Variants in MNS1 observed in about 807,000 individuals in gnomAD.
MNS1 encodes meiosis specific nuclear structural 1.
Under a neutral mutation model 72.0 loss-of-function variants are expected in MNS1, and 63 were observed. The observed-to-expected ratio is 0.87, with a 90% CI of 0.71 to 1.08. MNS1 has a LOEUF of 1.08. Ranked by LOEUF, MNS1 falls within the 50% of genes least tolerant of loss-of-function variation. The pLI is 0.00. For missense variants in MNS1, 604 were observed against 562.4 expected, an observed-to-expected ratio of 1.07 and a Z score of -0.75; for synonymous variants, 188 against 172.1, an observed-to-expected ratio of 1.09 and a Z score of -0.72.
chr15:56,431,594 G>T (rs1333007791), intron 8 of MNS1, 96 bp from the exon 9 acceptor site: 5 of 1,234,698 alleles, frequency 4.0e-6, no homozygotes, highest in Non-Finnish European at 4.6e-6. Context: ...AGATAAAATT[G>T]ATGAACTATT....
At chr15:56,463,386 G>A (rs960614604) in intron 2 of MNS1, among the ~76,000 whole-genome samples, 1 of 152,102 alleles carries the variant, frequency 6.6e-6, no homozygotes, top group African/African-American at 2.4e-5. Context: ...TGCTTATTCT[G>A]TACCAGGCAC....
At chr15:56,451,118 T>C (rs1666630128) in intron 3 of MNS1, among the ~76,000 whole-genome samples, 1 of 152,234 alleles carries the variant, frequency 6.6e-6, no homozygotes, top group African/African-American at 2.4e-5. Flanking sequence ...ATATTTCAGA[T>C]ATTAAATCCT....
At position 56,443,725 on chromosome 15, in the gene MNS1, C is replaced by T. The variant is rs150446377; in HGVS notation, c.816G>A (p.Glu272=). The change falls in exon 6 of 10, where the codon GAG becomes GAA. Residue 272 remains glutamate, a synonymous_variant. Coordinates refer to ENST00000260453, the MANE Select transcript of MNS1 (RefSeq NM_018365.4). ...CTCTTTGCTGCTGCATGTTAGCAAA[C>T]TCTATGATTTTTCTGTTTTCTTCTT... is the stretch of plus-strand genomic sequence containing the variant. ...EMEEENRKII[E]FANMQQQREE... 6.7e-4 allele frequency: 1,073 copies of T among 1,613,224 alleles called. 3 individuals are homozygous for T. The highest frequency in any genetic ancestry group is 1.0e-3 in the Admixed American group (62 of 59,972).
chr15:56,451,286 G>A (rs527376003), intron 3 of MNS1, among the ~76,000 whole-genome samples: 1 of 152,298 alleles, frequency 6.6e-6, no homozygotes, highest in South Asian at 2.1e-4. Context: ...TCCTGAACCA[G>A]GGACCAGGGT....
At chr15:56,451,733 A>C (rs1233820406) in intron 3 of MNS1, among the ~76,000 whole-genome samples, 1 of 145,950 alleles carries the variant, frequency 6.9e-6, no homozygotes, top group African/African-American at 2.5e-5. Flanking sequence ...TCATGATGGG[A>C]TGCATCCCAA....
chr15:56,443,017 C>T (rs1178028520), intron 7 of MNS1, among the ~76,000 whole-genome samples: 2 of 152,164 alleles, frequency 1.3e-5, no homozygotes, highest in East Asian at 1.9e-4. Flanking sequence ...TAGGTTCACA[C>T]GCCTTTAGGA....
chr15:56,456,527 C>A lies in MNS1; in HGVS notation c.226-6G>T. The A allele has an allele frequency of 6.2e-7, 1 of 1,604,670 alleles. No homozygotes were observed. On this transcript the variant is annotated splice_region_variant and splice_polypyrimidine_tract_variant and intron_variant, in intron 2 of 9. Transcript: ENST00000260453. ...AATCTCTTGTTTTCTTCTGCCTGAA[C>A]GAAAAATTTAACTTCGTTGTTTGTC...
chr15:56,464,061 G>A lies in MNS1; in HGVS notation c.190C>T (p.Gln64Ter), dbSNP rs745665325. 2.5e-6 allele frequency: 4 copies of A among 1,613,202 alleles called. No homozygotes were observed. In the African/African-American group the frequency reaches 4.0e-5, roughly 16 times the overall value. The change falls in exon 2 of 10, where the codon CAA (glutamine) becomes TAA (stop). Residue 64 changes from glutamine to a stop codon, truncating the protein, a stop_gained. Transcript: ENST00000260453. LOFTEE classifies it high-confidence loss of function. ...KQFLRLLQNE[Q>*]FELDMEEAIQ... Reference sequence around the variant, plus strand: ...GCCTCTTCCATATCCAACTCAAATTGTTCATTTTGTAATAATCTGAGAAAT... The same window carrying A: ...GCCTCTTCCATATCCAACTCAAATTATTCATTTTGTAATAATCTGAGAAAT...
chr15:56,434,446 T>G, intron 7 of MNS1, 51 bp from the exon 8 acceptor site: 1 of 1,525,028 alleles, frequency 6.6e-7, no homozygotes, highest in Non-Finnish European at 8.9e-7. Context: ...TTACACCAGA[T>G]TTATAAGGAA....
At chr15:56,440,569 G>A (rs1474749396) in intron 7 of MNS1, among the ~76,000 whole-genome samples, 1 of 152,092 alleles carries the variant, frequency 6.6e-6, no homozygotes, top group Non-Finnish European at 1.5e-5. Context: ...CATTCCAAAT[G>A]CCCTTTAATG....
chr15:56,443,898 T>A lies in MNS1; in HGVS notation c.687-44A>T. The stretch of plus-strand genomic sequence containing the variant: ...TACAGATTTATAGTAAACAATAAAA[T>A]ATAAAAAAGTAATTTCATTTTGTTC... On this transcript the variant is annotated intron_variant, in intron 5 of 9. Coordinates refer to ENST00000260453, the MANE Select transcript of MNS1 (RefSeq NM_018365.4). 1 of 1,351,566 alleles carries A rather than the reference T, an allele frequency of 7.4e-7. No individual in the cohort carries two copies. The highest frequency in any genetic ancestry group is 1.0e-6 in the Non-Finnish European group (1 of 999,560). 83.7% of individuals were successfully genotyped at this position (1,351,566 alleles called of 1,614,324 possible). A position where few individuals can be genotyped will look rare whatever the true frequency, so the allele number is the denominator to read the frequency against.
chr15:56,463,887 T>C (rs1238839364), intron 2 of MNS1, 139 bp downstream of exon 2: 44 of 680,200 alleles, frequency 6.5e-5, no homozygotes, highest in Non-Finnish European at 1.1e-4. Context: ...TCTTTACGAT[T>C]ACACCGAGCT....
chr15:56,443,135 CTG>C (rs2050847670), intron 7 of MNS1, among the ~76,000 whole-genome samples: 1 of 152,132 alleles, frequency 6.6e-6, no homozygotes, highest in Admixed American at 6.5e-5. Flanking sequence ...TGACTAGTGT[CTG>C]TATGTTACGT....
intron 9 of MNS1, among the ~76,000 whole-genome samples, chr15:56,430,946 A>G (rs2050574066): frequency 6.6e-6 from 1 of 152,174 alleles, no homozygotes; most frequent in African/African-American, 2.4e-5. Flanking sequence ...GGATCACCTG[A>G]GGCCAAGAGT....
intron 2 of MNS1, 61 bp from the exon 3 acceptor site, chr15:56,456,582 T>C: frequency 6.4e-7 from 1 of 1,562,536 alleles, no homozygotes; most frequent in Non-Finnish European, 8.6e-7. Flanking sequence ...TCATCAAGGT[T>C]GAATTTGTTT....
At chr15:56,436,402 A>C (rs1221158214) in intron 7 of MNS1, among the ~76,000 whole-genome samples, 1 of 152,174 alleles carries the variant, frequency 6.6e-6, no homozygotes, top group Admixed American at 6.5e-5. Context: ...TGTTCTTTGA[A>C]ACCAATGAGA....
intron 2 of MNS1, among the ~76,000 whole-genome samples, chr15:56,457,996 A>G (rs201958965): frequency 1.3e-5 from 2 of 152,234 alleles, no homozygotes; most frequent in African/African-American, 2.4e-5. Context: ...TGAGTGGTCA[A>G]ATAAACTGTG....
At chr15:56,432,036 T>C (rs562929161) in intron 8 of MNS1, among the ~76,000 whole-genome samples, 49 of 152,308 alleles carry the variant, frequency 3.2e-4, no homozygotes, top group African/African-American at 1.1e-3. Flanking sequence ...GAAAGAACAG[T>C]AATCTACTAA....
intron 9 of MNS1, among the ~76,000 whole-genome samples, chr15:56,430,827 T>C (rs1294445394): frequency 1.3e-5 from 2 of 152,196 alleles, no homozygotes; most frequent in African/African-American, 4.8e-5. Flanking sequence ...ACAGTTGTTC[T>C]AGGGTAGCTT....
Sources: allele counts gnomAD v4.1 joint callset (sites outside exome capture counted in the v4.1 genomes callset), GRCh38; gene constraint gnomAD v4.1.1; transcripts MANE v1.5; gene names NCBI Gene and HGNC (gene_info 2026-07-23, HGNC 2026-07-21).